SMIM3: variants seen among roughly 807,000 people sequenced by gnomAD.
SMIM3 encodes the protein small integral membrane protein 3, also known as NGF-induced differentiation clone 67 protein.
A neutral mutation model predicts 2.1 loss-of-function variants in SMIM3; 4 were observed. The ratio of observed to expected loss-of-function variants is 1.89; its 90% CI spans 0.93 to 4.31. The LOEUF (loss-of-function observed/expected upper bound fraction) is 4.31, where lower values mean the gene tolerates loss of function less well. SMIM3 is among the 30% of genes most tolerant of loss of function. The pLI is 0.01. For missense variants in SMIM3, 79 were observed against 77.7 expected (o/e 1.02, Z -0.06); for synonymous variants, 29 against 30.8 (o/e 0.94, Z 0.19).
At chr5:150,783,999 A>G (rs1753264248) in intron 1 of SMIM3, among the ~76,000 whole-genome samples, 1 of 148,194 alleles carries the variant, frequency 6.7e-6, no homozygotes, top group Non-Finnish European at 1.5e-5. Context: ...GCTAACTGCA[A>G]CCTCCACCTC....
rs779867339 is a variant in SMIM3 at position 150,795,459 on chromosome 5, GTCCCCATGGAAGTCGTGCT to G, written c.24_42del (p.Met9SerfsTer20). 1 of 1,613,986 alleles carries G rather than the reference GTCCCCATGGAAGTCGTGCT, an allele frequency of 6.2e-7. No individual in the cohort carries two copies. Among genetic ancestry groups the G allele is most frequent in the South Asian group, 1.1e-5 (1 of 91,084 alleles). On this transcript the variant is annotated frameshift_variant, in exon 2 of 2. Transcript: ENST00000526627. LOFTEE classifies it high-confidence loss of function. The stretch of plus-strand genomic sequence containing the variant: ...AAGCAACATGGATGCAGTCAGCCAA[GTCCCCATGGAAGTCGTGCT>G]TCCCAAGCACATCCTGGATATCTGG...
Position 150,795,657 on chromosome 5 carries a change from AC to A in SMIM3, c.*35del. ...CAAGAGGGCCGGGTGAGGGATGAGGACAGGCATCCTATCCCCAGCCTCTTCC... is the reference window on the plus strand; with the variant it reads ...CAAGAGGGCCGGGTGAGGGATGAGGAAGGCATCCTATCCCCAGCCTCTTCC... On this transcript the variant is annotated 3_prime_UTR_variant, in exon 2 of 2. Transcript: ENST00000526627. The A allele has an allele frequency of 6.5e-7, 1 of 1,531,478 alleles. No individual in the cohort carries two copies. The allele number at this position is 1,531,478 out of a possible 1,614,324, so 94.9% of individuals were successfully genotyped here.
chr5:150,794,848 T>C (rs1753385803), intron 1 of SMIM3, among the ~76,000 whole-genome samples: 1 of 152,208 alleles, frequency 6.6e-6, no homozygotes, highest in South Asian at 2.1e-4. Flanking sequence ...AATTTTATTT[T>C]TCCATAAGTT....
At chr5:150,794,154 A>G (rs1452727392) in intron 1 of SMIM3, among the ~76,000 whole-genome samples, 1 of 152,182 alleles carries the variant, frequency 6.6e-6, no homozygotes. Context: ...GGCCATAATA[A>G]AAAGAAAATC....
intron 1 of SMIM3, among the ~76,000 whole-genome samples, chr5:150,786,534 G>A (rs1237250576): frequency 2.0e-5 from 3 of 152,136 alleles, no homozygotes; most frequent in African/African-American, 7.2e-5. Context: ...TGATCCACCT[G>A]CCTTTCCCTC....
chr5:150,784,473 C>T (rs1171527104), intron 1 of SMIM3, among the ~76,000 whole-genome samples: 1 of 152,156 alleles, frequency 6.6e-6, no homozygotes, highest in Non-Finnish European at 1.5e-5. Context: ...AGAGAGACAT[C>T]TTGAAATCTC....
At chr5:150,783,307 A>G (rs1753255601) in intron 1 of SMIM3, among the ~76,000 whole-genome samples, 2 of 152,340 alleles carry the variant, frequency 1.3e-5, no homozygotes, top group South Asian at 4.1e-4. Context: ...CTTCCTTGAC[A>G]ACCTCAGCAG....
At chr5:150,783,709 G>A (rs1328587532) in intron 1 of SMIM3, among the ~76,000 whole-genome samples, 1 of 152,190 alleles carries the variant, frequency 6.6e-6, no homozygotes, top group African/African-American at 2.4e-5. Context: ...AAACCGGTTG[G>A]ATAACCATTG....
At chr5:150,790,056 G>A (rs1461039535) in intron 1 of SMIM3, among the ~76,000 whole-genome samples, 1 of 152,178 alleles carries the variant, frequency 6.6e-6, no homozygotes, top group Non-Finnish European at 1.5e-5. Flanking sequence ...TTTTGTTTTA[G>A]TTAGGGGCAG....
rs984504729 is a variant in SMIM3 at position 150,784,243 on chromosome 5, G to A, written c.-12+5271G>A. Among the ~76,000 whole-genome samples the A allele has an allele frequency of 5.9e-5, 9 of 152,046 alleles. No homozygotes were observed. In the South Asian group the frequency reaches 1.2e-3, roughly 21 times the overall value. ...AGACGTTGTCCTAAGTGCTTTATGC[G>A]CATTAGCTCATTTAACCTCCAGAGC... is the stretch of plus-strand genomic sequence containing the variant. On this transcript the variant is annotated intron_variant, in intron 1 of 1. Coordinates refer to ENST00000526627, the MANE Select transcript of SMIM3 (RefSeq NM_032947.5).
At chr5:150,792,346 G>A (rs1166134088) in intron 1 of SMIM3, among the ~76,000 whole-genome samples, 1 of 152,196 alleles carries the variant, frequency 6.6e-6, no homozygotes, top group African/African-American at 2.4e-5. Flanking sequence ...GAGCACTGAA[G>A]TGTCCTGGGA....
In SMIM3 at chr5:150,787,410, G is replaced by A. The variant is rs141255703; in HGVS notation, c.-11-8020G>A. ...GGAAGTCCTGATCTTTATAGATTGCGTATCTCTTCTTAATTCTCTAAATAT... is the reference window on the plus strand; with the variant it reads ...GGAAGTCCTGATCTTTATAGATTGCATATCTCTTCTTAATTCTCTAAATAT... On this transcript the variant is annotated intron_variant, in intron 1 of 1. Coordinates refer to ENST00000526627, the MANE Select transcript of SMIM3 (RefSeq NM_032947.5). 2.0e-4 allele frequency among the ~76,000 whole-genome samples: 30 copies of A among 152,290 alleles called. No individual in the cohort carries two copies. The East Asian group carries it at 2.3e-3, about 12-fold the overall frequency.
At chr5:150,787,915 A>C (rs1753309636) in intron 1 of SMIM3, among the ~76,000 whole-genome samples, 1 of 152,176 alleles carries the variant, frequency 6.6e-6, no homozygotes, top group African/African-American at 2.4e-5. Context: ...GTCCTGAGAG[A>C]GTATCTTGCA....
In SMIM3 at chr5:150,795,505, T is replaced by C; in HGVS notation, c.65T>C (p.Val22Ala). 1 of 1,613,712 alleles carries C rather than the reference T, an allele frequency of 6.2e-7. No individual in the cohort carries two copies. Among genetic ancestry groups the C allele is most frequent in the Non-Finnish European group, 8.5e-7 (1 of 1,179,864 alleles). Reference protein sequence around the residue: ...VLPKHILDIWVIVLIILATIV... With the variant: ...VLPKHILDIWAIVLIILATIV... ...CCCAAGCACATCCTGGATATCTGGG[T>C]TATTGTCCTCATCATCCTGGCCACC... is the stretch of plus-strand genomic sequence containing the variant. Residue 22 changes from valine (V) to alanine (A), a missense_variant, in exon 2 of 2, where the codon GTT becomes GCT. By Grantham distance (64) the Val-to-Ala change is moderately conservative. Transcript: ENST00000526627.
intron 1 of SMIM3, among the ~76,000 whole-genome samples, chr5:150,779,829 A>ATCCT (rs1753212584): frequency 9.0e-6 from 1 of 111,024 alleles, no homozygotes. Context: ...GAAAGGTGTA[A>ATCCT]CCCCCCCCGC....
At chr5:150,788,300 T>C (rs1402559023) in intron 1 of SMIM3, among the ~76,000 whole-genome samples, 1 of 152,156 alleles carries the variant, frequency 6.6e-6, no homozygotes, top group African/African-American at 2.4e-5. Context: ...TCCCTTTGCC[T>C]GCCTAAACTG....
At chr5:150,789,276 T>A (rs1182652289) in intron 1 of SMIM3, among the ~76,000 whole-genome samples, 1 of 152,052 alleles carries the variant, frequency 6.6e-6, no homozygotes. Context: ...AAGCTTAGAG[T>A]CCTGCTTTTT....
chr5:150,793,142 T>C (rs1753366062), intron 1 of SMIM3, among the ~76,000 whole-genome samples: 1 of 152,124 alleles, frequency 6.6e-6, no homozygotes, highest in African/African-American at 2.4e-5. Context: ...GTTTTCCTTG[T>C]ACAAAACACT....
rs1161560074 is a variant in SMIM3 at position 150,778,823 on chromosome 5, G to T, written c.-161G>T. The T allele has an allele frequency of 8.4e-6, 4 of 474,996 alleles. No individual in the cohort carries two copies. The highest frequency in any genetic ancestry group is 7.9e-5 in the African/African-American group (4 of 50,382). The allele number at this position is 474,996 out of a possible 1,614,324, so 29.4% of individuals were successfully genotyped here. ...CTCCCGCCTCCCGGGGCTCGGAGGA[G>T]CCGGGGCACGTTCCAGGAGCTGCCT... is the stretch of plus-strand genomic sequence containing the variant. On this transcript the variant is annotated 5_prime_UTR_variant, in exon 1 of 2. Transcript: ENST00000526627.
Sources: gnomAD v4.1 joint callset for allele counts (sites outside exome capture counted in the v4.1 genomes callset) on GRCh38, gnomAD v4.1.1 for gene constraint, MANE v1.5 for transcripts, NCBI Gene and HGNC (gene_info 2026-07-23, HGNC 2026-07-21) for gene names.